The following SDHAF4 variants were observed in gnomAD, a reference collection of about 807,000 sequenced individuals.
The protein encoded by SDHAF4 is succinate dehydrogenase complex assembly factor 4, also known as succinate dehydrogenase assembly factor 4, mitochondrial.
Under a neutral mutation model 14.3 loss-of-function variants are expected in SDHAF4, and 14 were observed. That is an observed-to-expected ratio of 0.98 (90% CI 0.65 to 1.53). SDHAF4 has a LOEUF of 1.53. Among genes scored for constraint, SDHAF4 ranks in the 40% most tolerant of loss-of-function variants. SDHAF4 has a pLI of 0.00. For missense variants in SDHAF4, 141 were observed against 129.3 expected, an observed-to-expected ratio of 1.09 and a Z score of -0.44; for synonymous variants, 63 against 47.3, an observed-to-expected ratio of 1.33 and a Z score of -1.36.
intron 1 of SDHAF4, among the ~76,000 whole-genome samples, chr6:70,572,645 C>T (rs1019316900): frequency 7.3e-5 from 11 of 150,406 alleles, no homozygotes; most frequent in Admixed American, 6.6e-5. Flanking sequence ...TTCCATTTTC[C>T]GTGGTTTTTT....
intron 1 of SDHAF4, among the ~76,000 whole-genome samples, chr6:70,568,503 G>A (rs112112346): frequency 1.3e-5 from 2 of 152,020 alleles, no homozygotes; most frequent in Admixed American, 6.5e-5. Flanking sequence ...TTCAGATAAC[G>A]CTGTGTTTTG....
At chr6:70,570,247 T>A (rs1373246689) in intron 1 of SDHAF4, among the ~76,000 whole-genome samples, 1 of 152,216 alleles carries the variant, frequency 6.6e-6, no homozygotes, top group African/African-American at 2.4e-5. Context: ...TTTAAATAAT[T>A]TACTTTGCAG....
At chr6:70,569,230 C>T (rs933567370) in intron 1 of SDHAF4, among the ~76,000 whole-genome samples, 1 of 151,936 alleles carries the variant, frequency 6.6e-6, no homozygotes, top group Non-Finnish European at 1.5e-5. Context: ...TCCCAAAGTG[C>T]TGGGATTACA....
Position 70,578,941 on chromosome 6 carries a change from G to A in SDHAF4, c.65-473G>A, listed in dbSNP as rs146920439. Among the ~76,000 whole-genome samples the A allele has an allele frequency of 9.8e-3, 1,493 of 152,240 alleles. 15 individuals carry two copies. Among genetic ancestry groups the A allele is most frequent in the Non-Finnish European group, 0.014 (942 of 68,018 alleles). The stretch of plus-strand genomic sequence containing the variant: ...AGGAATCCTCCCTCTTCAGCCTCCT[G>A]CATAACTGAGACTACGGGTGCATGC... On this transcript the variant is annotated intron_variant, in intron 1 of 2. Coordinates refer to ENST00000370474, the MANE Select transcript of SDHAF4 (RefSeq NM_145267.3).
intron 2 of SDHAF4, among the ~76,000 whole-genome samples, chr6:70,582,824 C>T (rs1350921875): frequency 6.6e-6 from 1 of 152,194 alleles, no homozygotes; most frequent in Non-Finnish European, 1.5e-5. Context: ...TCTCTGCTTC[C>T]TCGTTTCCTT....
At chr6:70,580,652 AAT>A (rs1337161746) in intron 2 of SDHAF4, among the ~76,000 whole-genome samples, 23 of 152,236 alleles carry the variant, frequency 1.5e-4, no homozygotes, top group African/African-American at 5.5e-4. Flanking sequence ...CATAAAAAGC[AAT>A]TAAATTTTAA....
At chr6:70,596,839 G>T in the SDHAF4 span, 1 of 152,142 alleles carries the variant, frequency 6.6e-6, no homozygotes, top group Non-Finnish European at 1.5e-5. Context: ...GCCACATTCT[G>T]CTAGTAAATA....
intron 1 of SDHAF4, among the ~76,000 whole-genome samples, chr6:70,575,709 ATG>A (rs760664360): frequency 3.9e-4 from 57 of 147,214 alleles, no homozygotes; most frequent in African/African-American, 1.2e-3. Context: ...GTTTTTGTAT[ATG>A]TGTGTGTGTG....
downstream of SDHAF4, among the ~76,000 whole-genome samples, chr6:70,591,939 G>T (rs1765262074): frequency 6.6e-6 from 1 of 152,294 alleles, no homozygotes; most frequent in South Asian, 2.1e-4. Flanking sequence ...GGACAAATGG[G>T]TTATCATGGA....
chr6:70,581,703 G>A (rs905103351), intron 2 of SDHAF4, among the ~76,000 whole-genome samples: 1 of 151,996 alleles, frequency 6.6e-6, no homozygotes, highest in African/African-American at 2.4e-5. Context: ...AACCTTCCCA[G>A]CTCAAACTGT....
chr6:70,595,970 A>G, the SDHAF4 span, among the ~76,000 whole-genome samples: 1 of 152,218 alleles, frequency 6.6e-6, no homozygotes, highest in African/African-American at 2.4e-5. Context: ...TCAAAAGCTA[A>G]TCTAAAATAT....
chr6:70,592,088 C>T (rs1002343481), downstream of SDHAF4, among the ~76,000 whole-genome samples: 3 of 152,164 alleles, frequency 2.0e-5, no homozygotes, highest in Admixed American at 2.0e-4. Flanking sequence ...GCTTCAAGGC[C>T]CTGGCCAGAT....
chr6:70,572,605 TTTA>T (rs910378923), intron 1 of SDHAF4, among the ~76,000 whole-genome samples: 2 of 152,126 alleles, frequency 1.3e-5, no homozygotes, highest in African/African-American at 4.8e-5. Flanking sequence ...AAATTATGTT[TTTA>T]TTCATTTTTT....
intron 2 of SDHAF4, among the ~76,000 whole-genome samples, chr6:70,581,581 G>A (rs1460934796): frequency 1.3e-5 from 2 of 152,018 alleles, no homozygotes; most frequent in Non-Finnish European, 2.9e-5. Context: ...TCATTTTTGT[G>A]TGTGTATGTA....
downstream of SDHAF4, among the ~76,000 whole-genome samples, chr6:70,591,529 T>G (rs1009304815): frequency 2.0e-5 from 3 of 151,716 alleles, no homozygotes; most frequent in Non-Finnish European, 4.4e-5. Flanking sequence ...CGGGGTTTCA[T>G]CGTGTTAGCC....
chr6:70,596,161 C>T, the SDHAF4 span, among the ~76,000 whole-genome samples: 5 of 152,136 alleles, frequency 3.3e-5, no homozygotes, highest in Non-Finnish European at 7.3e-5. Flanking sequence ...AAAGATGATG[C>T]GGTAGCCATG....
intron 1 of SDHAF4, among the ~76,000 whole-genome samples, chr6:70,577,516 A>C (rs1316444066): frequency 6.6e-6 from 1 of 152,202 alleles, no homozygotes; most frequent in Non-Finnish European, 1.5e-5. Context: ...ACTAGAGAGA[A>C]AATGATGTCA....
chr6:70,594,077 C>T (rs1453649481), downstream of SDHAF4, among the ~76,000 whole-genome samples: 1 of 152,126 alleles, frequency 6.6e-6, no homozygotes, highest in Non-Finnish European at 1.5e-5. Context: ...CTATTTTTCC[C>T]TTTTGGAATG....
chr6:70,567,777 C>T (rs1273477083), intron 1 of SDHAF4: 1 of 152,184 alleles, frequency 6.6e-6, no homozygotes, highest in African/African-American at 2.4e-5. Flanking sequence ...GCTCTGCCTC[C>T]CAGGTTCACG....
Sources: allele counts gnomAD v4.1 joint callset (sites outside exome capture counted in the v4.1 genomes callset), GRCh38; gene constraint gnomAD v4.1.1; transcripts MANE v1.5; gene names NCBI Gene and HGNC (gene_info 2026-07-23, HGNC 2026-07-21).